MAP3K5: variants seen among roughly 807,000 people sequenced by gnomAD.
MAP3K5 encodes the protein mitogen-activated protein kinase kinase kinase 5, also known as ASK-1.
MAP3K5 carries 56 observed loss-of-function variants against 158.7 expected under a neutral mutation model. The ratio of observed to expected loss-of-function variants is 0.35; its 90% CI spans 0.28 to 0.44. The LOEUF (loss-of-function observed/expected upper bound fraction) is 0.44. Among genes scored for constraint, MAP3K5 ranks in the 20% least tolerant of loss-of-function variants. The probability of loss-of-function intolerance (pLI) is 1.00; values close to 1 mark genes in which losing one functional copy is unlikely to be tolerated. For synonymous variants in MAP3K5, 579 were observed against 601.7 expected (o/e 0.96, Z 0.55); for missense variants, 1,294 against 1,674.8 (o/e 0.77, Z 3.97).
rs558608877 is a variant in MAP3K5, at chr6:136,789,485, C to T, written c.448+2225G>A. ...CCTGTCTAGGTTGAAAGAAGCAGTA[C>T]GAAGGGACAGAGTGGGCGCAGGAAA... On this transcript the variant is annotated intron_variant, in intron 1 of 29. Coordinates refer to ENST00000359015, the MANE Select transcript of MAP3K5 (RefSeq NM_005923.4). 3.9e-5 allele frequency among the ~76,000 whole-genome samples: 6 copies of T among 152,030 alleles called. No individual in the cohort carries two copies. In the East Asian group the frequency reaches 7.7e-4, roughly 20 times the overall value.
rs757027727 is a variant in MAP3K5 at position 136,696,043 on chromosome 6, A to G, written c.990T>C (p.Ile330=). The G allele has an allele frequency of 6.2e-6, 10 of 1,605,756 alleles. No individual in the cohort carries two copies. Among genetic ancestry groups the G allele is most frequent in the Admixed American group, 1.7e-5 (1 of 59,924 alleles). The change falls in exon 6 of 30, where the codon ATT becomes ATC. Residue 330 remains isoleucine, a synonymous_variant. Coordinates refer to ENST00000359015, the MANE Select transcript of MAP3K5 (RefSeq NM_005923.4). ...SYRDIQDYDS[I]VKLVETLEKL... ...TTTCTAAAGTCTCTACCAGCTTCAC[A>G]ATAGAATCATAGTCCTTTCAAATTA...
rs541641568 is a variant in MAP3K5 at position 136,682,520 on chromosome 6, T to C, written c.1253+11620A>G. Among the ~76,000 whole-genome samples, 6 of 152,342 alleles carry C rather than the reference T, an allele frequency of 3.9e-5. No homozygotes were observed. The South Asian group carries it at 6.2e-4, about 16-fold the overall frequency. On this transcript the variant is annotated intron_variant, in intron 7 of 29. Transcript: ENST00000359015. ...TAAATCTTTATTAGGCACACATTAC[T>C]GTTTGAATAGCACTGTCACTGACGT...
intron 1 of MAP3K5, among the ~76,000 whole-genome samples, chr6:136,773,605 AT>A (rs1341361833): frequency 2.6e-5 from 4 of 151,920 alleles, no homozygotes; most frequent in Admixed American, 1.3e-4. Context: ...TCACTAGATG[AT>A]GCCTTCCTTT....
At position 136,601,012 on chromosome 6, in the gene MAP3K5, A is replaced by G. The variant is rs773686093; in HGVS notation, c.2878+10T>C. The G allele has an allele frequency of 1.9e-5, 31 of 1,613,826 alleles. No homozygotes were observed. In the East Asian group the frequency reaches 5.1e-4, roughly 27 times the overall value. ...TCTCAGCTCAATGGGCAAAGTAAAAACAAACTCACCATTTGATCCAGCTGA... is the reference window on the plus strand; with the variant it reads ...TCTCAGCTCAATGGGCAAAGTAAAAGCAAACTCACCATTTGATCCAGCTGA... On this transcript the variant is annotated intron_variant, in intron 21 of 29. Transcript: ENST00000359015.
chr6:136,742,521 A>G (rs1562664526), intron 1 of MAP3K5, among the ~76,000 whole-genome samples: 1 of 152,156 alleles, frequency 6.6e-6, no homozygotes, highest in Non-Finnish European at 1.5e-5. Context: ...TCATAGTTCT[A>G]AATGTAAAAT....
intron 1 of MAP3K5, among the ~76,000 whole-genome samples, chr6:136,767,083 A>G (rs1783997723): frequency 6.6e-6 from 1 of 152,228 alleles, no homozygotes; most frequent in Admixed American, 6.5e-5. Context: ...TGCATAAGAA[A>G]CTAAATCACA....
chr6:136,639,875 G>T lies in MAP3K5; in HGVS notation c.1839-237C>A, dbSNP rs556353210. The stretch of plus-strand genomic sequence containing the variant: ...CAGAGCAGGGCTGCTCTAGGGTGTT[G>T]CAAGCACACGTAAACTACACATCCT... On this transcript the variant is annotated intron_variant, in intron 12 of 29. Coordinates refer to ENST00000359015, the MANE Select transcript of MAP3K5 (RefSeq NM_005923.4). Among the ~76,000 whole-genome samples, 4 of 152,332 alleles carry T rather than the reference G, an allele frequency of 2.6e-5. No homozygotes were observed. In the South Asian group the frequency reaches 8.3e-4, roughly 32 times the overall value.
chr6:136,741,884 T>C (rs988012240), intron 1 of MAP3K5, among the ~76,000 whole-genome samples: 2 of 152,126 alleles, frequency 1.3e-5, no homozygotes, highest in Non-Finnish European at 2.9e-5. Context: ...AAAAACACAA[T>C]GCCATTTACA....
At chr6:136,635,258 G>A (rs1400399873) in intron 14 of MAP3K5, among the ~76,000 whole-genome samples, 1 of 151,644 alleles carries the variant, frequency 6.6e-6, no homozygotes, top group Non-Finnish European at 1.5e-5. Context: ...GTTTTACCTT[G>A]GCAAGTTGCT....
At chr6:136,584,894 T>C (rs1775049361) in intron 23 of MAP3K5, among the ~76,000 whole-genome samples, 1 of 152,180 alleles carries the variant, frequency 6.6e-6, no homozygotes, top group African/African-American at 2.4e-5. Flanking sequence ...CGTGTCTACC[T>C]ATAACATGTC....
intron 1 of MAP3K5, among the ~76,000 whole-genome samples, chr6:136,765,646 G>A (rs930152442): frequency 6.0e-5 from 9 of 150,558 alleles, no homozygotes; most frequent in Admixed American, 5.9e-4. Context: ...CCAAGTAGCT[G>A]GGATTACAAG....
At chr6:136,783,634 T>C (rs1354576952) in intron 1 of MAP3K5, among the ~76,000 whole-genome samples, 2 of 152,184 alleles carry the variant, frequency 1.3e-5, no homozygotes, top group Non-Finnish European at 2.9e-5. Flanking sequence ...AATGCTGGCA[T>C]GTTCTACAGC....
chr6:136,720,745 C>T (rs942877850), intron 1 of MAP3K5, among the ~76,000 whole-genome samples, 156 bp from the exon 2 acceptor site: 1 of 152,176 alleles, frequency 6.6e-6, no homozygotes. Context: ...ATTTGCAGCT[C>T]TACCTGGAAG....
intron 3 of MAP3K5, among the ~76,000 whole-genome samples, chr6:136,701,189 A>T (rs1238479476): frequency 6.6e-6 from 1 of 152,124 alleles, no homozygotes; most frequent in Non-Finnish European, 1.5e-5. Flanking sequence ...GGGGTTATGC[A>T]CCCTCCTGAG....
chr6:136,774,234 T>A (rs2115016613), intron 1 of MAP3K5, among the ~76,000 whole-genome samples: 1 of 152,090 alleles, frequency 6.6e-6, no homozygotes, highest in Non-Finnish European at 1.5e-5. Context: ...TACATAAACC[T>A]CTAGTATAAC....
chr6:136,727,729 G>T (rs1051319449), intron 1 of MAP3K5, among the ~76,000 whole-genome samples: 4 of 152,206 alleles, frequency 2.6e-5, no homozygotes, highest in African/African-American at 9.6e-5. Flanking sequence ...GGGAGGCCAA[G>T]GCGGGCGGAC....
intron 1 of MAP3K5, among the ~76,000 whole-genome samples, chr6:136,788,634 C>A (rs1784941631): frequency 6.6e-6 from 1 of 152,102 alleles, no homozygotes; most frequent in Admixed American, 6.5e-5. Context: ...AAGCAGCCAA[C>A]AAACTTATGA....
At chr6:136,726,957 A>G (rs1398776552) in intron 1 of MAP3K5, among the ~76,000 whole-genome samples, 1 of 151,952 alleles carries the variant, frequency 6.6e-6, no homozygotes, top group Non-Finnish European at 1.5e-5. Context: ...TCCGATTTGT[A>G]TGCCTTTTGT....
At chr6:136,581,525 T>C (rs1774875581) in intron 24 of MAP3K5, among the ~76,000 whole-genome samples, 2 of 152,206 alleles carry the variant, frequency 1.3e-5, no homozygotes. Context: ...TATAATTTTA[T>C]TTAAATTCCA....
Sources: allele counts gnomAD v4.1 joint callset (sites outside exome capture counted in the v4.1 genomes callset), GRCh38; gene constraint gnomAD v4.1.1; transcripts MANE v1.5; gene names NCBI Gene and HGNC (gene_info 2026-07-23, HGNC 2026-07-21).